Variants in KIF3C observed in about 807,000 individuals in gnomAD.
The protein encoded by KIF3C is kinesin-like protein KIF3C.
In KIF3C, 12 loss-of-function variants were observed where a neutral mutation model predicts 67.7. That is an observed-to-expected ratio of 0.18 (90% confidence interval 0.11 to 0.29). The LOEUF is 0.29. KIF3C is among the 10% of genes least tolerant of loss of function. KIF3C has a pLI of 1.00. For synonymous variants in KIF3C, 393 were observed against 426.2 expected, an observed-to-expected ratio of 0.92 and a Z score of 0.96; for missense variants, 789 against 1,059.6, an observed-to-expected ratio of 0.74 and a Z score of 3.55.
rs1574502397 is a variant in KIF3C at position 25,982,358 on chromosome 2, G to T, written c.-441C>A. Reference sequence around the variant, plus strand: ...GGCTGCCGGTCGTGGGCGGCCGGGGGTCCCGGGCCTCCCGAGGGCAGAGGC... The same window carrying T: ...GGCTGCCGGTCGTGGGCGGCCGGGGTTCCCGGGCCTCCCGAGGGCAGAGGC... On this transcript the variant is annotated 5_prime_UTR_variant, in exon 1 of 8. Transcript: ENST00000264712. The T allele has an allele frequency of 1.3e-5, 5 of 398,912 alleles. No individual in the cohort carries two copies. Among genetic ancestry groups the T allele is most frequent in the Non-Finnish European group, 2.2e-5 (5 of 226,378 alleles). 24.7% of individuals were successfully genotyped at this position (398,912 alleles called of 1,614,324 possible). A position where few individuals can be genotyped will look rare whatever the true frequency, so the allele number is the denominator to read the frequency against.
chr2:25,959,126 A>T (rs1408486864), intron 1 of KIF3C, among the ~76,000 whole-genome samples: 1 of 152,126 alleles, frequency 6.6e-6, no homozygotes, highest in Non-Finnish European at 1.5e-5. Flanking sequence ...GGCATTTCAC[A>T]AGCACCTGGG....
At position 25,981,094 on chromosome 2, in the gene KIF3C, C is replaced by T. The variant is rs367873611; in HGVS notation, c.824G>A (p.Gly275Asp). 1 of 1,614,172 alleles carries T rather than the reference C, an allele frequency of 6.2e-7. No individual in the cohort carries two copies. Among genetic ancestry groups the T allele is most frequent in the Admixed American group, 1.7e-5 (1 of 60,026 alleles). Residue 275 changes from glycine to aspartate, a missense_variant, in exon 1 of 8, where the codon GGT becomes GAT. Gly to Asp is a moderately conservative substitution (Grantham distance 94). Transcript: ENST00000264712. This position sits in a 1 kb window ranked among gnomAD's most constrained non-coding sequence, Gnocchi z 8.2. ...ATPSSGGGGG[G>D]GGSGGGAGGE... ...ACCAGCACCACCACCACTGCCTCCACCGCCACCACCGCCACCCGAGGATGG... is the reference window on the plus strand; with the variant it reads ...ACCAGCACCACCACCACTGCCTCCATCGCCACCACCGCCACCCGAGGATGG...
chr2:25,954,430 C>G, intron 3 of KIF3C, 45 bp from the exon 4 acceptor site: 1 of 1,473,048 alleles, frequency 6.8e-7, no homozygotes, highest in Non-Finnish European at 9.4e-7. Flanking sequence ...GGTGTGGCAA[C>G]GAGGCCCCAG....
At chr2:25,943,791 G>A (rs1663356123) in intron 5 of KIF3C, among the ~76,000 whole-genome samples, 1 of 151,978 alleles carries the variant, frequency 6.6e-6, no homozygotes, top group Non-Finnish European at 1.5e-5. Flanking sequence ...CTTGAACCTG[G>A]GAGGCAGAGG....
At chr2:25,979,203 G>A (rs528702633) in intron 1 of KIF3C, among the ~76,000 whole-genome samples, 13 of 152,264 alleles carry the variant, frequency 8.5e-5, no homozygotes, top group Non-Finnish European at 1.8e-4. Flanking sequence ...GAAATGCCTG[G>A]AACATTGAGT....
intron 1 of KIF3C, among the ~76,000 whole-genome samples, chr2:25,977,202 G>C (rs906903196): frequency 1.3e-5 from 2 of 152,126 alleles, no homozygotes; most frequent in Non-Finnish European, 2.9e-5. Context: ...GACAGGCATG[G>C]TGTTTGTGCA....
intron 5 of KIF3C, among the ~76,000 whole-genome samples, chr2:25,949,840 A>T (rs1663549092): frequency 6.6e-6 from 1 of 150,442 alleles, no homozygotes. Flanking sequence ...GCGTGGTAGC[A>T]TGCACCTGCA....
intron 1 of KIF3C, among the ~76,000 whole-genome samples, chr2:25,970,624 G>A (rs542213370): frequency 5.4e-5 from 7 of 128,956 alleles, no homozygotes; most frequent in African/African-American, 1.2e-4. Context: ...CCGAGGTCAC[G>A]CCATCACACT....
Position 25,981,282 on chromosome 2 carries a change from G to A in KIF3C, c.636C>T (p.Val212=), listed in dbSNP as rs1186271528. The A allele has an allele frequency of 6.2e-7, 1 of 1,614,166 alleles. No homozygotes were observed. Among genetic ancestry groups the A allele is most frequent in the Non-Finnish European group, 8.5e-7 (1 of 1,180,032 alleles). The change falls in exon 1 of 8, where the codon GTC becomes GTT. Residue 212 remains valine (V), a synonymous_variant. Transcript: ENST00000264712. The surrounding 1 kb of genome is among the most constrained non-coding windows in gnomAD (Gnocchi z 8.2). The part of the protein sequence containing the change: ...RAVGSTHMNE[V]SSRSHAIFII... ...TGAAGATGGCATGGGAGCGGGAGCT[G>A]ACCTCATTCATGTGGGTGCTGCCCA...
intron 1 of KIF3C, among the ~76,000 whole-genome samples, chr2:25,966,995 A>G (rs1268846001): frequency 6.6e-6 from 1 of 152,134 alleles, no homozygotes; most frequent in Non-Finnish European, 1.5e-5. Flanking sequence ...TTTGACCACC[A>G]CCGCCCTAAC....
chr2:25,963,694 ATTATTATTATT>A (rs1466271535), intron 1 of KIF3C, among the ~76,000 whole-genome samples: 1 of 147,736 alleles, frequency 6.8e-6, no homozygotes, highest in Non-Finnish European at 1.5e-5. Flanking sequence ...TATTATTATT[ATTATTATTATT>A]ATTTTGAGAC....
intron 1 of KIF3C, among the ~76,000 whole-genome samples, chr2:25,965,383 T>C (rs1664113325): frequency 6.6e-6 from 1 of 152,214 alleles, no homozygotes; most frequent in South Asian, 2.1e-4. Context: ...CTTTCTTGGC[T>C]TAGAAATAGA....
At position 25,971,871 on chromosome 2, in the gene KIF3C, C is replaced by CTTTTT. The variant is rs70950146; in HGVS notation, c.1545+8497_1545+8501dup. 9.3e-4 allele frequency among the ~76,000 whole-genome samples: 50 copies of CTTTTT among 53,784 alleles called. 1 individual carries two copies. Among genetic ancestry groups the CTTTTT allele is most frequent in the African/African-American group, 3.5e-3 (48 of 13,680 alleles). The allele number at this position is 53,784 out of a possible 152,430, so 35.3% of individuals were successfully genotyped here. A position where few individuals can be genotyped will look rare whatever the true frequency, so the allele number is the denominator to read the frequency against. On this transcript the variant is annotated intron_variant, in intron 1 of 7. Transcript: ENST00000264712. The stretch of plus-strand genomic sequence containing the variant: ...TACAGGCATGCAGTACCATGCCTAG[C>CTTTTT]TTTTTTTTTTTTTTTTTTTTTTTTT...
chr2:25,948,624 GAGAAAGAGAGAGAGAAAGAGAA>G (rs1167082609), intron 5 of KIF3C, among the ~76,000 whole-genome samples: 4 of 98,810 alleles, frequency 4.0e-5, no homozygotes, highest in Admixed American at 8.9e-5. Context: ...AAGAGAAAGA[GAGAAAGAGAGAGAGAAAGAGAA>G]AGAGAGAAAG....
chr2:25,940,142 T>A (rs895913568), intron 5 of KIF3C, among the ~76,000 whole-genome samples: 2 of 152,174 alleles, frequency 1.3e-5, no homozygotes, highest in South Asian at 4.1e-4. Context: ...CAACTCTTCA[T>A]TGATCATCTC....
At chr2:25,973,444 C>T (rs1322352662) in intron 1 of KIF3C, among the ~76,000 whole-genome samples, 1 of 151,182 alleles carries the variant, frequency 6.6e-6, no homozygotes, top group African/African-American at 2.4e-5. Flanking sequence ...ATCCCAGCTA[C>T]TTAAGAGGCT....
chr2:25,941,072 G>C (rs1663271830), intron 5 of KIF3C, among the ~76,000 whole-genome samples: 1 of 152,126 alleles, frequency 6.6e-6, no homozygotes, highest in African/African-American at 2.4e-5. Context: ...TTTGGGAGGA[G>C]TTCACTTGAG....
intron 1 of KIF3C, among the ~76,000 whole-genome samples, chr2:25,964,002 A>T (rs1252009804): frequency 6.6e-6 from 1 of 152,074 alleles, no homozygotes; most frequent in Non-Finnish European, 1.5e-5. Flanking sequence ...CGCATGAAGT[A>T]TTATTATTTT....
chr2:25,951,205 C>A (rs1283231016), intron 5 of KIF3C, among the ~76,000 whole-genome samples: 2 of 152,106 alleles, frequency 1.3e-5, no homozygotes, highest in Non-Finnish European at 2.9e-5. Flanking sequence ...AGCCACACAC[C>A]CAGCCAATGG....
Sources: allele counts gnomAD v4.1 joint callset (sites outside exome capture counted in the v4.1 genomes callset), GRCh38; gene constraint gnomAD v4.1.1; non-coding constraint Gnocchi (gnomAD v3.1); transcripts MANE v1.5; gene names NCBI Gene and HGNC (gene_info 2026-07-23, HGNC 2026-07-21).